The following SLC38A11 variants were observed in gnomAD, a reference collection of about 807,000 sequenced individuals.
SLC38A11 encodes putative sodium-coupled neutral amino acid transporter 11.
Under a neutral mutation model 49.4 loss-of-function variants are expected in SLC38A11, and 51 were observed. The observed-to-expected ratio is 1.03, with a 90% CI of 0.83 to 1.30. The LOEUF (loss-of-function observed/expected upper bound fraction) is 1.30, where lower values mean the gene tolerates loss of function less well. Ranked by LOEUF, SLC38A11 falls within the 50% of genes most tolerant of loss-of-function variation. SLC38A11 has a pLI of 0.00. For synonymous variants in SLC38A11, 203 were observed against 192.9 expected, an observed-to-expected ratio of 1.05 and a Z score of -0.43; for missense variants, 574 against 556.2, an observed-to-expected ratio of 1.03 and a Z score of -0.32.
chr2:164,943,979 C>T (rs546583627), intron 5 of SLC38A11, among the ~76,000 whole-genome samples: 37 of 152,152 alleles, frequency 2.4e-4, no homozygotes, highest in African/African-American at 8.7e-4. Context: ...ACCTCAGCCT[C>T]CCAAGTAGCT....
At chr2:164,904,040 T>A (rs529167451) in intron 11 of SLC38A11, among the ~76,000 whole-genome samples, 1 of 152,164 alleles carries the variant, frequency 6.6e-6, no homozygotes, top group East Asian at 1.9e-4. Context: ...GCTCAGGAAG[T>A]CTTTGGCAAC....
intron 6 of SLC38A11, among the ~76,000 whole-genome samples, chr2:164,937,881 C>T (rs1647581868): frequency 6.7e-6 from 1 of 148,608 alleles, no homozygotes; most frequent in Non-Finnish European, 1.5e-5. Context: ...CCTCCCCGTC[C>T]TTTTTTTTTT....
chr2:164,898,766 TA>T, intron 11 of SLC38A11, 36 bp from the exon 12 acceptor site: 1 of 1,572,478 alleles, frequency 6.4e-7, no homozygotes, highest in Non-Finnish European at 8.7e-7. Flanking sequence ...ATAATGTCAC[TA>T]GATGGAAACA....
chr2:164,903,294 A>T (rs774990015), intron 11 of SLC38A11, among the ~76,000 whole-genome samples: 4 of 152,204 alleles, frequency 2.6e-5, no homozygotes, highest in Non-Finnish European at 1.5e-5. Context: ...TACTATCAGG[A>T]TGAAAACTGC....
At chr2:164,946,027 C>T (rs1301031397) in intron 3 of SLC38A11, among the ~76,000 whole-genome samples, 1 of 152,136 alleles carries the variant, frequency 6.6e-6, no homozygotes, top group Non-Finnish European at 1.5e-5. Flanking sequence ...ATTTTACTTT[C>T]CTGATGTAAC....
chr2:164,908,632 G>A lies in SLC38A11; in HGVS notation c.1095+8C>T, dbSNP rs374733506. ...AGAGTGAAGGGGTAAATCTTTGCAC[G>A]TACTCACATTGAGTTCTAGAACTAT... On this transcript the variant is annotated splice_region_variant and intron_variant, in intron 11 of 11. Coordinates refer to ENST00000685975, the MANE Select transcript of SLC38A11 (RefSeq NM_001351537.2). 129 of 1,517,296 alleles carry A rather than the reference G, an allele frequency of 8.5e-5. No individual in the cohort carries two copies. Among genetic ancestry groups the A allele is most frequent in the East Asian group, 1.7e-4 (7 of 41,096 alleles). The allele number at this position is 1,517,296 out of a possible 1,614,324, so 94.0% of individuals were successfully genotyped here.
chr2:164,919,298 C>G (rs1025282293), intron 7 of SLC38A11, among the ~76,000 whole-genome samples: 1 of 151,862 alleles, frequency 6.6e-6, no homozygotes, highest in South Asian at 2.1e-4. Context: ...CCATTGCACT[C>G]TAGCTTGGTC....
At position 164,921,012 on chromosome 2, in the gene SLC38A11, T is replaced by C. The variant is rs144839570; in HGVS notation, c.618-5039A>G. ...CAAAACTGAAATCAAGTGGTAATTG[T>C]AGAGAAAAAAAAAAGGAAAAGTGTA... On this transcript the variant is annotated intron_variant, in intron 7 of 11. Coordinates refer to ENST00000685975, the MANE Select transcript of SLC38A11 (RefSeq NM_001351537.2). 7.9e-5 allele frequency among the ~76,000 whole-genome samples: 12 copies of C among 151,246 alleles called. No homozygotes were observed. The East Asian group carries it at 2.3e-3, about 29-fold the overall frequency.
intron 3 of SLC38A11, among the ~76,000 whole-genome samples, chr2:164,949,613 A>G (rs1347339307): frequency 2.0e-5 from 3 of 152,232 alleles, no homozygotes; most frequent in Non-Finnish European, 1.5e-5. Context: ...AGATATCAAT[A>G]AATTCTACTT....
intron 11 of SLC38A11, among the ~76,000 whole-genome samples, chr2:164,899,159 T>C (rs1574718960): frequency 1.3e-5 from 2 of 152,156 alleles, no homozygotes; most frequent in Non-Finnish European, 2.9e-5. Context: ...AAGGAAATTT[T>C]GGGAAATTGT....
rs140900913 is a variant in SLC38A11 at position 164,905,246 on chromosome 2, T to A, written c.1095+3394A>T. Among the ~76,000 whole-genome samples, 150 of 152,034 alleles carry A rather than the reference T, an allele frequency of 9.9e-4. 3 individuals are homozygous for A. In the East Asian group the frequency reaches 0.019, roughly 19 times the overall value. On this transcript the variant is annotated intron_variant, in intron 11 of 11. Transcript: ENST00000685975. ...AATTCTCCTGTCTCAGCCTCCCGAGTGGTTGGGACTACAGGCATGTGCCAC... is the reference window on the plus strand; with the variant it reads ...AATTCTCCTGTCTCAGCCTCCCGAGAGGTTGGGACTACAGGCATGTGCCAC...
chr2:164,933,218 G>A (rs752754356), intron 7 of SLC38A11, among the ~76,000 whole-genome samples: 8 of 151,274 alleles, frequency 5.3e-5, no homozygotes, highest in Non-Finnish European at 1.0e-4. Flanking sequence ...GTAAAGAATT[G>A]AATATTAATA....
intron 7 of SLC38A11, among the ~76,000 whole-genome samples, chr2:164,928,988 G>C (rs1055630957): frequency 2.5e-4 from 38 of 152,044 alleles, no homozygotes; most frequent in African/African-American, 8.7e-4. Context: ...TATGTCACAT[G>C]TTCAATATAT....
At chr2:164,931,564 C>A (rs558949844) in intron 7 of SLC38A11, among the ~76,000 whole-genome samples, 56 of 152,120 alleles carry the variant, frequency 3.7e-4, no homozygotes, top group African/African-American at 1.3e-3. Context: ...GGTTCTGATA[C>A]AAAAACAAAC....
At chr2:164,899,572 AT>A (rs759174563) in intron 11 of SLC38A11, among the ~76,000 whole-genome samples, 41 of 152,262 alleles carry the variant, frequency 2.7e-4, no homozygotes, top group Non-Finnish European at 5.1e-4. Flanking sequence ...TGTTTTTCTA[AT>A]TACGTTAGAT....
intron 11 of SLC38A11, 121 bp from the exon 12 acceptor site, chr2:164,898,851 T>G (rs1317242586): frequency 2.2e-6 from 2 of 895,198 alleles, no homozygotes; most frequent in African/African-American, 3.4e-5. Context: ...ATAGGTTCAG[T>G]TGAATCAAAC....
intron 11 of SLC38A11, among the ~76,000 whole-genome samples, chr2:164,903,008 G>C (rs1012474953): frequency 2.6e-5 from 4 of 152,128 alleles, no homozygotes; most frequent in African/African-American, 9.7e-5. Flanking sequence ...CATATGACTA[G>C]AATGAAATAT....
chr2:164,904,763 A>G (rs924673616), intron 11 of SLC38A11, among the ~76,000 whole-genome samples: 2 of 152,186 alleles, frequency 1.3e-5, no homozygotes, highest in Non-Finnish European at 2.9e-5. Flanking sequence ...GTCTATCCAT[A>G]TGTATCATAG....
intron 7 of SLC38A11, among the ~76,000 whole-genome samples, chr2:164,927,442 T>C (rs2105480835): frequency 6.6e-6 from 1 of 152,308 alleles, no homozygotes; most frequent in South Asian, 2.1e-4. Flanking sequence ...TATGATAAAA[T>C]GCATTTGAGA....
Sources: gnomAD v4.1 joint callset for allele counts (sites outside exome capture counted in the v4.1 genomes callset) on GRCh38, gnomAD v4.1.1 for gene constraint, MANE v1.5 for transcripts, NCBI Gene and HGNC (gene_info 2026-07-23, HGNC 2026-07-21) for gene names.